Variants in DKKL1 observed in about 807,000 individuals in gnomAD.
DKKL1 encodes the protein dickkopf-like protein 1.
DKKL1 carries 11 observed loss-of-function variants against 16.5 expected under a neutral mutation model. The observed-to-expected ratio is 0.67, with a 90% CI of 0.42 to 1.10. The LOEUF (loss-of-function observed/expected upper bound fraction) is 1.10, where lower values mean the gene tolerates loss of function less well. Among genes scored for constraint, DKKL1 ranks in the 50% least tolerant of loss-of-function variants. The probability of loss-of-function intolerance (pLI) is 0.00; values close to 1 mark genes in which losing one functional copy is unlikely to be tolerated. For synonymous variants in DKKL1, 119 were observed against 133.2 expected, an observed-to-expected ratio of 0.89 and a Z score of 0.73; for missense variants, 320 against 308.1, an observed-to-expected ratio of 1.04 and a Z score of -0.29.
intron 4 of DKKL1, among the ~76,000 whole-genome samples, chr19:49,373,391 G>A (rs1353731762): frequency 6.6e-6 from 1 of 152,036 alleles, no homozygotes; most frequent in Non-Finnish European, 1.5e-5. Context: ...AATGACCCTA[G>A]TTCCAAATAA....
chr19:49,361,159 G>GA (rs200028466), upstream of DKKL1, among the ~76,000 whole-genome samples: 1 of 99,636 alleles, frequency 1.0e-5, no homozygotes, highest in Non-Finnish European at 2.0e-5. Flanking sequence ...AGAGACCGGG[G>GA]GGGGGGGACA....
chr19:49,363,434 C>CG (rs1438816216), upstream of DKKL1, among the ~76,000 whole-genome samples: 1 of 152,202 alleles, frequency 6.6e-6, no homozygotes, highest in Non-Finnish European at 1.5e-5. Context: ...GCTTGTACTC[C>CG]GGTGTCTCCA....
intron 4 of DKKL1, among the ~76,000 whole-genome samples, chr19:49,367,464 T>A (rs1659101059): frequency 1.3e-5 from 2 of 149,066 alleles, no homozygotes; most frequent in Admixed American, 1.4e-4. Flanking sequence ...TGGAGTGCAA[T>A]GGTGCGATCT....
At chr19:49,360,517 T>C (rs1972771789), upstream of DKKL1, 1 of 185,260 alleles carries the variant, frequency 5.4e-6, no homozygotes. Context: ...GAAGTCACAA[T>C]GATTACCCTA....
At chr19:49,368,739 TCTTTG>T (rs1043331822) in intron 4 of DKKL1, 3 of 152,156 alleles carry the variant, frequency 2.0e-5, no homozygotes, top group East Asian at 3.9e-4. Context: ...TTTTTAAGCC[TCTTTG>T]CTTTGTGTTA....
At position 49,364,624 on chromosome 19, in the gene DKKL1, T is replaced by C; in HGVS notation, c.53T>C (p.Leu18Pro). Residue 18 changes from leucine to proline, a missense_variant, in exon 2 of 5, where the codon CTG (leucine) becomes CCG (proline). Physicochemically the swap from Leu to Pro is moderately conservative, Grantham distance 98. Transcript: ENST00000221498. ...APARRHLLVL[L>P]LLLSTLVIPS... ...GCAAGGCGGCATCTGCTGGTCCTGC[T>C]GCTGCTCCTCTCTACCCTGGTGATC... 1.2e-6 allele frequency: 2 copies of C among 1,613,410 alleles called. No individual in the cohort carries two copies. The highest frequency in any genetic ancestry group is 1.7e-6 in the Non-Finnish European group (2 of 1,180,010).
In DKKL1 at chr19:49,365,849, T is replaced by G. The variant is rs941523684; in HGVS notation, c.381T>G (p.Ile127Met). The change falls in exon 4 of 5, where the codon ATT becomes ATG. Residue 127 changes from isoleucine to methionine, a missense_variant. Physicochemically the swap from Ile to Met is conservative, Grantham distance 10. Coordinates refer to ENST00000221498, the MANE Select transcript of DKKL1 (RefSeq NM_014419.4). The part of the protein sequence containing the change: ...VLISENVVAS[I>M]QPAEGSFEGD... ...TCTCCGAGAATGTGGTGGCATCCATTCAACCAGCGGAGGGGAGCTTCGAGG... is the reference window on the plus strand; with the variant it reads ...TCTCCGAGAATGTGGTGGCATCCATGCAACCAGCGGAGGGGAGCTTCGAGG... The G allele has an allele frequency of 1.9e-6, 3 of 1,614,068 alleles. No individual in the cohort carries two copies. The highest frequency in any genetic ancestry group is 1.7e-5 in the Admixed American group (1 of 59,998).
At chr19:49,363,332 C>A (rs1445718767), upstream of DKKL1, 1 of 154,402 alleles carries the variant, frequency 6.5e-6, no homozygotes, top group Non-Finnish European at 1.4e-5. Flanking sequence ...GACAACGGGA[C>A]TTTTTAGTGG....
chr19:49,366,841 G>A (rs1973270092), intron 4 of DKKL1, among the ~76,000 whole-genome samples: 1 of 151,452 alleles, frequency 6.6e-6, no homozygotes, highest in African/African-American at 2.4e-5. Context: ...CGGAATAGCT[G>A]GAACTACAGG....
Position 49,366,714 on chromosome 19 carries a change from T to TG in DKKL1, c.417+829_417+830insG, listed in dbSNP as rs113151714. 5.6e-4 allele frequency among the ~76,000 whole-genome samples: 16 copies of TG among 28,548 alleles called. No individual in the cohort carries two copies. In the South Asian group the frequency reaches 0.021, roughly 38 times the overall value. The allele number at this position is 28,548 out of a possible 152,430, so 18.7% of individuals were successfully genotyped here. A position where few individuals can be genotyped will look rare whatever the true frequency, so the allele number is the denominator to read the frequency against. On this transcript the variant is annotated intron_variant, in intron 4 of 4. Transcript: ENST00000221498. ...GGGTTTTTTTTGTTTGTTTTTTTGG[T>TG]TTTTTTTTTTGAGAATGGAGTCTTG...
chr19:49,373,193 C>T (rs1973572853), intron 4 of DKKL1, among the ~76,000 whole-genome samples: 1 of 151,520 alleles, frequency 6.6e-6, no homozygotes, highest in Non-Finnish European at 1.5e-5. Flanking sequence ...ATCCCAGCTA[C>T]TCTGGAGGCT....
At chr19:49,363,297 T>C (rs1387838990), upstream of DKKL1, 1 of 153,414 alleles carries the variant, frequency 6.5e-6, no homozygotes, top group East Asian at 1.9e-4. Flanking sequence ...AGATGAAATA[T>C]AAGACTGGAT....
Position 49,364,007 on chromosome 19 carries a change from A to G in DKKL1, c.9A>G (p.Glu3=). 1 of 1,613,400 alleles carries G rather than the reference A, an allele frequency of 6.2e-7. No homozygotes were observed. The highest frequency in any genetic ancestry group is 8.5e-7 in the Non-Finnish European group (1 of 1,179,676). Residue 3 remains glutamate (E), a splice_region_variant and synonymous_variant, in exon 1 of 5, where the codon GAA becomes GAG. Coordinates refer to ENST00000221498, the MANE Select transcript of DKKL1 (RefSeq NM_014419.4). MG[E]ASPPAPARRH... is the part of the protein sequence containing the mutation. ...AGAAGAAGGGGCGGGGTATGGGAGA[A>G]GGTGAGGATTGAGATCTGGTGGTGA...
intron 4 of DKKL1, among the ~76,000 whole-genome samples, chr19:49,371,390 T>C (rs1441672004): frequency 2.0e-5 from 3 of 152,228 alleles, no homozygotes; most frequent in Non-Finnish European, 2.9e-5. Flanking sequence ...AAATATTCTT[T>C]CTTTAACCTG....
chr19:49,365,245 AAG>A (rs1973203902), intron 2 of DKKL1, among the ~76,000 whole-genome samples: 1 of 152,044 alleles, frequency 6.6e-6, no homozygotes, highest in Non-Finnish European at 1.5e-5. Flanking sequence ...GGACAGAGAC[AAG>A]AGACTGGGGA....
chr19:49,373,977 A>C (rs1195028909), intron 4 of DKKL1, among the ~76,000 whole-genome samples: 1 of 151,566 alleles, frequency 6.6e-6, no homozygotes, highest in African/African-American at 2.4e-5. Context: ...GCTGTCCTTG[A>C]AAGCTTTATT....
Position 49,365,534 on chromosome 19 carries a change from G to A in DKKL1, c.209G>A (p.Ser70Asn). The A allele has an allele frequency of 6.2e-7, 1 of 1,612,624 alleles. No individual in the cohort carries two copies. The highest frequency in any genetic ancestry group is 8.5e-7 in the Non-Finnish European group (1 of 1,179,364). Residue 70 changes from serine (S) to asparagine (N), a missense_variant, in exon 3 of 5, where the codon AGC becomes AAC. Coordinates refer to ENST00000221498, the MANE Select transcript of DKKL1 (RefSeq NM_014419.4). ...GGTAACCTGCTTCGGGGCATAGACAGCTTATTCTCTGCCCCCATGGACTTC... is the reference window on the plus strand; with the variant it reads ...GGTAACCTGCTTCGGGGCATAGACAACTTATTCTCTGCCCCCATGGACTTC... ...LKGNLLRGID[S>N]LFSAPMDFRG...
At position 49,365,828 on chromosome 19, in the gene DKKL1, C is replaced by T. The variant is rs35186396; in HGVS notation, c.360C>T (p.Ser120=). The change falls in exon 4 of 5, where the codon TCC becomes TCT. Residue 120 remains serine (S), a synonymous_variant. Transcript: ENST00000221498. ...ACAAGACAGGAGAGGTGCTGATCTC[C>T]GAGAATGTGGTGGCATCCATTCAAC... is the stretch of plus-strand genomic sequence containing the variant. ...TDNKTGEVLI[S]ENVVASIQPA... 6.7e-3 allele frequency: 10,819 copies of T among 1,614,040 alleles called. 604 individuals carry two copies. In the African/African-American group the frequency reaches 0.12, roughly 18 times the overall value.
Position 49,364,598 on chromosome 19 carries a change from C to A in DKKL1, c.27C>A (p.Pro9=), listed in dbSNP as rs1052296313. The A allele has an allele frequency of 1.9e-6, 3 of 1,611,590 alleles. No homozygotes were observed. Among genetic ancestry groups the A allele is most frequent in the Non-Finnish European group, 2.5e-6 (3 of 1,179,488 alleles). MGEASPPA[P]ARRHLLVLLL... is the part of the protein sequence containing the mutation. ...TTGCCACAGCCTCCCCACCTGCCCC[C>A]GCAAGGCGGCATCTGCTGGTCCTGC... The change falls in exon 2 of 5, where the codon CCC becomes CCA. Residue 9 remains proline, a synonymous_variant. Transcript: ENST00000221498.
Sources: gnomAD v4.1 joint callset for allele counts (sites outside exome capture counted in the v4.1 genomes callset) on GRCh38, gnomAD v4.1.1 for gene constraint, MANE v1.5 for transcripts, NCBI Gene and HGNC (gene_info 2026-07-23, HGNC 2026-07-21) for gene names.